Variants in ARHGEF3 observed in about 807,000 individuals in gnomAD.
ARHGEF3 encodes the protein Rho guanine nucleotide exchange factor 3.
ARHGEF3 carries 28 observed loss-of-function variants against 63.2 expected under a neutral mutation model. The observed-to-expected ratio is 0.44, with a 90% CI of 0.33 to 0.61. The LOEUF is 0.61. Ranked by LOEUF, ARHGEF3 falls within the 20% of genes least tolerant of loss-of-function variation. The probability of loss-of-function intolerance (pLI) is 0.03; values close to 1 mark genes in which losing one functional copy is unlikely to be tolerated. For synonymous variants in ARHGEF3, 266 were observed against 254.2 expected (o/e 1.05, Z -0.44); for missense variants, 533 against 659.3 (o/e 0.81, Z 2.10).
chr3:56,947,843 C>T (rs1022401846), intron 3 of ARHGEF3, among the ~76,000 whole-genome samples: 9 of 152,178 alleles, frequency 5.9e-5, no homozygotes, highest in East Asian at 3.9e-4. Flanking sequence ...CAGCACCACA[C>T]CGCACTTATT....
intron 4 of ARHGEF3, among the ~76,000 whole-genome samples, chr3:56,814,304 A>ATT (rs376758549): frequency 6.6e-6 from 1 of 151,828 alleles, no homozygotes; most frequent in Non-Finnish European, 1.5e-5. Flanking sequence ...TTTTTTTGCG[A>ATT]TTTTTTTTAA....
At chr3:56,785,637 T>C (rs749995399) in intron 1 of ARHGEF3, among the ~76,000 whole-genome samples, 8 of 152,226 alleles carry the variant, frequency 5.3e-5, no homozygotes, top group African/African-American at 1.2e-4. Flanking sequence ...AAGCTCAGCA[T>C]TATCTTGCTT....
Position 56,995,495 on chromosome 3 carries a change from G to T in ARHGEF3, c.63-36606C>A, listed in dbSNP as rs139747691. 4.6e-5 allele frequency among the ~76,000 whole-genome samples: 7 copies of T among 152,200 alleles called. No homozygotes were observed. The East Asian group carries it at 1.4e-3, about 29-fold the overall frequency. On this transcript the variant is annotated intron_variant, in intron 2 of 12. Transcript: ENST00000338458. Reference sequence around the variant, plus strand: ...GGCCATGATAAGATCAGGCAGTGAGGATCTTTGTGGCACCCAGCAAACAGG... The same window carrying T: ...GGCCATGATAAGATCAGGCAGTGAGTATCTTTGTGGCACCCAGCAAACAGG...
At chr3:57,066,195 A>T (rs1705524928) in intron 1 of ARHGEF3, among the ~76,000 whole-genome samples, 1 of 152,040 alleles carries the variant, frequency 6.6e-6, no homozygotes, top group South Asian at 2.1e-4. Context: ...AGGGGAGGGA[A>T]TTCTTTCCGA....
chr3:56,814,005 C>G (rs769814334), intron 4 of ARHGEF3, among the ~76,000 whole-genome samples: 4 of 152,148 alleles, frequency 2.6e-5, no homozygotes, highest in African/African-American at 9.7e-5. Context: ...CTTCCTTCCC[C>G]CAAATTAATT....
At chr3:57,015,116 A>T (rs1486440700) in intron 2 of ARHGEF3, among the ~76,000 whole-genome samples, 2 of 152,088 alleles carry the variant, frequency 1.3e-5, no homozygotes, top group Non-Finnish European at 2.9e-5. Flanking sequence ...GCCGTCTGCC[A>T]GTTTACATAA....
intron 4 of ARHGEF3, among the ~76,000 whole-genome samples, chr3:56,875,239 GT>G (rs1316835289): frequency 6.6e-6 from 1 of 152,180 alleles, no homozygotes; most frequent in Non-Finnish European, 1.5e-5. Flanking sequence ...TTGTTGCTAT[GT>G]ATCTAATGAG....
At chr3:56,870,927 C>A (rs1279143995) in intron 4 of ARHGEF3, among the ~76,000 whole-genome samples, 1 of 151,988 alleles carries the variant, frequency 6.6e-6, no homozygotes, top group African/African-American at 2.4e-5. Flanking sequence ...TAAATAAAAT[C>A]TATTTAAAAG....
chr3:56,960,186 A>T (rs1700219335), intron 2 of ARHGEF3, among the ~76,000 whole-genome samples: 1 of 152,224 alleles, frequency 6.6e-6, no homozygotes, highest in African/African-American at 2.4e-5. Context: ...GCAACTAACC[A>T]ATACTGAGCA....
At chr3:56,772,689 T>C (rs1559925885) in intron 2 of ARHGEF3, among the ~76,000 whole-genome samples, 1 of 152,212 alleles carries the variant, frequency 6.6e-6, no homozygotes, top group Admixed American at 6.5e-5. Context: ...ACTTGTTAAC[T>C]AAAAAACTAT....
chr3:56,934,546 C>G (rs527959725), intron 3 of ARHGEF3, among the ~76,000 whole-genome samples: 38 of 152,310 alleles, frequency 2.5e-4, no homozygotes, highest in African/African-American at 8.7e-4. Flanking sequence ...GGCTTGGCGG[C>G]CCCCGCACTC....
intron 1 of ARHGEF3, among the ~76,000 whole-genome samples, chr3:57,050,391 C>T (rs973550190): frequency 5.9e-5 from 9 of 152,276 alleles, no homozygotes; most frequent in Admixed American, 5.2e-4. Context: ...TTTCCTGCTT[C>T]CACCCTGGAA....
At chr3:57,018,131 T>C (rs1274238406) in intron 2 of ARHGEF3, among the ~76,000 whole-genome samples, 1 of 152,042 alleles carries the variant, frequency 6.6e-6, no homozygotes, top group Non-Finnish European at 1.5e-5. Flanking sequence ...ATAGAAAAAT[T>C]AGCTGGGCGT....
At chr3:56,758,074 TC>T (rs2035192159) in intron 2 of ARHGEF3, among the ~76,000 whole-genome samples, 1 of 151,324 alleles carries the variant, frequency 6.6e-6, no homozygotes, top group Non-Finnish European at 1.5e-5. Flanking sequence ...GGTCAGGAGT[TC>T]AAGACCAGCC....
At chr3:57,036,128 C>A (rs1010338) in intron 1 of ARHGEF3, among the ~76,000 whole-genome samples, 69,694 of 151,826 alleles carry the variant, frequency 0.46, 16,262 homozygotes, top group African/African-American at 0.47. Context: ...ATGCAACTTC[C>A]TGAGGGCCTG....
chr3:56,794,928 A>G (rs1488844440), intron 1 of ARHGEF3, among the ~76,000 whole-genome samples: 1 of 151,872 alleles, frequency 6.6e-6, no homozygotes, highest in Non-Finnish European at 1.5e-5. Context: ...GCACAATCTC[A>G]GCTCATTGCA....
intron 1 of ARHGEF3, among the ~76,000 whole-genome samples, chr3:57,052,311 T>G (rs1413240913): frequency 2.6e-5 from 4 of 151,744 alleles, no homozygotes. Context: ...ATTCTTTTCT[T>G]TTTCAGACGG....
chr3:56,951,806 C>T lies in ARHGEF3; in HGVS notation c.129+7017G>A, dbSNP rs1378223010. On this transcript the variant is annotated intron_variant, in intron 3 of 12. Transcript: ENST00000338458. ...ATGAGGTGAATATTGCAAATATTCTCCCCACTTGCAAATAATTTCATACAA... is the reference window on the plus strand; with the variant it reads ...ATGAGGTGAATATTGCAAATATTCTTCCCACTTGCAAATAATTTCATACAA... Among the ~76,000 whole-genome samples the T allele has an allele frequency of 2.6e-5, 4 of 151,794 alleles. No homozygotes were observed. The East Asian group carries it at 7.7e-4, about 29-fold the overall frequency.
At chr3:56,981,843 A>T (rs1216619334) in intron 2 of ARHGEF3, among the ~76,000 whole-genome samples, 4 of 152,092 alleles carry the variant, frequency 2.6e-5, no homozygotes, top group African/African-American at 9.7e-5. Flanking sequence ...GCTGTTCCTC[A>T]CTGCCCAGCA....
Sources: gnomAD v4.1 joint callset for allele counts (sites outside exome capture counted in the v4.1 genomes callset) on GRCh38, gnomAD v4.1.1 for gene constraint, MANE v1.5 for transcripts, NCBI Gene and HGNC (gene_info 2026-07-23, HGNC 2026-07-21) for gene names.